Variants in LTA4H observed in about 807,000 individuals in gnomAD.
The protein encoded by LTA4H is leukotriene A-4 hydrolase.
In LTA4H, 59 loss-of-function variants were observed where a neutral mutation model predicts 89.8. The ratio of observed to expected loss-of-function variants is 0.66; its 90% CI spans 0.53 to 0.82. The LOEUF (loss-of-function observed/expected upper bound fraction) is 0.82. Among genes scored for constraint, LTA4H ranks in the 40% least tolerant of loss-of-function variants. The pLI, the probability that LTA4H is intolerant of heterozygous loss-of-function variation, is 0.00. For synonymous variants in LTA4H, 227 were observed against 253.1 expected, an observed-to-expected ratio of 0.90 and a Z score of 0.98; for missense variants, 617 against 727.0, an observed-to-expected ratio of 0.85 and a Z score of 1.74.
At chr12:96,033,423 C>T (rs17025102) in intron 1 of LTA4H, among the ~76,000 whole-genome samples, 2,624 of 152,262 alleles carry the variant, frequency 0.017, 82 homozygotes, top group African/African-American at 0.058. Flanking sequence ...CTTCCACTAG[C>T]GACCTCGGTT....
intron 13 of LTA4H, 123 bp from the exon 14 acceptor site, chr12:96,013,381 ATC>A (rs1356066894): frequency 1.7e-6 from 1 of 605,984 alleles, no homozygotes; most frequent in Non-Finnish European, 2.9e-6. Flanking sequence ...TAATTTCTAA[ATC>A]TTTTTTAAAA....
chr12:96,023,283 T>C (rs1473584468), intron 4 of LTA4H, among the ~76,000 whole-genome samples: 1 of 152,194 alleles, frequency 6.6e-6, no homozygotes, highest in African/African-American at 2.4e-5. Context: ...CAGGAAATAA[T>C]TCGGTTCAGC....
intron 4 of LTA4H, among the ~76,000 whole-genome samples, chr12:96,023,337 A>G (rs1950475908): frequency 6.6e-6 from 1 of 152,162 alleles, no homozygotes. Context: ...TATATGTGCC[A>G]GCTGAGGTTG....
At chr12:96,043,228 G>A in intron 1 of LTA4H, 1 of 1,195,184 alleles carries the variant, frequency 8.4e-7, no homozygotes, top group Non-Finnish European at 1.2e-6. Context: ...GAATTGAAGG[G>A]GTAGGCAGGG....
intron 1 of LTA4H, among the ~76,000 whole-genome samples, chr12:96,030,004 T>C (rs2660896): frequency 0.5 from 76,176 of 151,838 alleles, 20,975 homozygotes; most frequent in African/African-American, 0.75. Flanking sequence ...CTTCTACTTC[T>C]TCATTAATCA....
At chr12:96,006,508 A>T (rs1200614894) in intron 15 of LTA4H, 99 bp from the exon 16 acceptor site, 1 of 604,210 alleles carries the variant, frequency 1.7e-6, no homozygotes, top group Non-Finnish European at 2.9e-6. Flanking sequence ...AAAGAACCAT[A>T]TGAATGAACA....
chr12:96,001,549 A>T (rs1031045130), intron 18 of LTA4H, among the ~76,000 whole-genome samples: 2 of 152,196 alleles, frequency 1.3e-5, no homozygotes, highest in Non-Finnish European at 2.9e-5. Flanking sequence ...AGTGAGCCTC[A>T]AAGCCTTTCT....
intron 1 of LTA4H, among the ~76,000 whole-genome samples, chr12:96,042,418 T>C (rs368996467): frequency 4.1e-4 from 62 of 152,098 alleles, no homozygotes; most frequent in African/African-American, 1.5e-3. Flanking sequence ...TGCCTAGGCC[T>C]TTCCTGAACC....
At chr12:96,010,606 A>G (rs1055355499) in intron 14 of LTA4H, 1 of 152,258 alleles carries the variant, frequency 6.6e-6, no homozygotes, top group African/African-American at 2.4e-5. Flanking sequence ...AGTGTGACTG[A>G]AGCAAAGGGA....
chr12:96,032,434 C>A (rs1350813449), intron 1 of LTA4H, among the ~76,000 whole-genome samples: 1 of 152,174 alleles, frequency 6.6e-6, no homozygotes, highest in Non-Finnish European at 1.5e-5. Flanking sequence ...TAATTGAAAT[C>A]ATCCATTAAT....
At chr12:96,039,699 A>T, upstream of LTA4H, among the ~76,000 whole-genome samples, 1 of 152,264 alleles carries the variant, frequency 6.6e-6, no homozygotes, top group East Asian at 1.9e-4. Flanking sequence ...GAATGGCAAC[A>T]TTAGCAAAGA....
intron 6 of LTA4H, among the ~76,000 whole-genome samples, chr12:96,019,765 C>CT (rs1327473599): frequency 5.3e-5 from 8 of 149,998 alleles, no homozygotes; most frequent in Non-Finnish European, 8.9e-5. Context: ...CTAATTTTTT[C>CT]TTTTTTTTGT....
intron 8 of LTA4H, 111 bp from the exon 9 acceptor site, chr12:96,017,691 T>TATGTTAAAGATATGGTTATA: frequency 1.4e-6 from 1 of 702,020 alleles, no homozygotes. Context: ...ACTGTATTTC[T>TATGTTAAAGATATGGTTATA]ACTACAGCAC....
chr12:96,017,648 C>A, intron 8 of LTA4H, 68 bp from the exon 9 acceptor site: 2 of 1,129,068 alleles, frequency 1.8e-6, no homozygotes, highest in Non-Finnish European at 2.7e-6. Flanking sequence ...AGACTGCCTA[C>A]CTAAATACTT....
intron 17 of LTA4H, 104 bp from the exon 18 acceptor site, chr12:96,003,168 C>T (rs546604882): frequency 1.4e-6 from 1 of 714,850 alleles, no homozygotes; most frequent in South Asian, 1.6e-5. Context: ...AATAACCCCA[C>T]TATAGTTATA....
At chr12:96,012,598 C>G (rs1950320591) in intron 14 of LTA4H, 1 of 152,476 alleles carries the variant, frequency 6.6e-6, no homozygotes. Flanking sequence ...GTGGTCCCAG[C>G]TACTTGTAAG....
rs1950470534 is a variant in LTA4H at position 96,022,885 on chromosome 12, A to G, written c.481-634T>C. On this transcript the variant is annotated intron_variant, in intron 4 of 18. Transcript: ENST00000228740. The surrounding 1 kb of genome is among the most constrained non-coding windows in gnomAD (Gnocchi z 4.0). ...CTGTAGGACAGAATGGTTTTGAACAATTTTGTTTTGAAAACACACACTTGG... is the reference window on the plus strand; with the variant it reads ...CTGTAGGACAGAATGGTTTTGAACAGTTTTGTTTTGAAAACACACACTTGG... Among the ~76,000 whole-genome samples the G allele has an allele frequency of 6.6e-6, 1 of 152,250 alleles. No homozygotes were observed. The highest frequency in any genetic ancestry group is 1.9e-4 in the East Asian group (1 of 5,206).
chr12:96,035,561 G>C lies in LTA4H; in HGVS notation c.-42C>G. The stretch of plus-strand genomic sequence containing the variant: ...ACAGCACAGCGACCTACAGCCCAAC[G>C]CTCAGCTACCAGACTCGTCGATAGA... On this transcript the variant is annotated 5_prime_UTR_variant, in exon 1 of 19. Transcript: ENST00000228740. 1 of 1,556,276 alleles carries C rather than the reference G, an allele frequency of 6.4e-7. No individual in the cohort carries two copies. Among genetic ancestry groups the C allele is most frequent in the Non-Finnish European group, 8.7e-7 (1 of 1,144,654 alleles).
At chr12:96,043,412 GAAAAT>G in exon 1 of LTA4H, 1 of 1,319,252 alleles carries the variant, frequency 7.6e-7, no homozygotes, top group African/African-American at 1.5e-5. Flanking sequence ...CAGGAGGAGA[GAAAAT>G]AAACTCCCAA....
Sources: allele counts gnomAD v4.1 joint callset (sites outside exome capture counted in the v4.1 genomes callset), GRCh38; gene constraint gnomAD v4.1.1; non-coding constraint Gnocchi (gnomAD v3.1); transcripts MANE v1.5; gene names NCBI Gene and HGNC (gene_info 2026-07-23, HGNC 2026-07-21).